The following NRXN3 variants were observed in gnomAD, a reference collection of about 807,000 sequenced individuals.
NRXN3 encodes the protein neurexin III.
NRXN3 carries 32 observed loss-of-function variants against 137.6 expected under a neutral mutation model. That is an observed-to-expected ratio of 0.23 (90% CI 0.18 to 0.31). NRXN3 has a LOEUF of 0.31. Among genes scored for constraint, NRXN3 ranks in the 10% least tolerant of loss-of-function variants. NRXN3 has a pLI of 1.00. For missense variants in NRXN3, 1,574 were observed against 2,062.5 expected (o/e 0.76, Z 4.59); for synonymous variants, 798 against 784.5 (o/e 1.02, Z -0.29).
chr14:79,302,603 T>C (rs905338196), intron 15 of NRXN3, among the ~76,000 whole-genome samples: 15 of 151,894 alleles, frequency 9.9e-5, no homozygotes, highest in Admixed American at 4.6e-4. Context: ...GCAATCCCCA[T>C]GTGCAGAGGG....
At chr14:79,445,364 A>C (rs972886323) in intron 15 of NRXN3, among the ~76,000 whole-genome samples, 9 of 152,116 alleles carry the variant, frequency 5.9e-5, no homozygotes, top group Non-Finnish European at 1.3e-4. Context: ...GAAAGAAAAA[A>C]AGAAAAAAAA....
At chr14:78,651,416 TC>T in intron 6 of NRXN3, 90 bp downstream of exon 6, 1 of 1,386,774 alleles carries the variant, frequency 7.2e-7, no homozygotes, top group Admixed American at 2.1e-5. Flanking sequence ...GGATCTGTCC[TC>T]AAATCTATGA....
At position 78,714,944 on chromosome 14, in the gene NRXN3, G is replaced by GA. The variant is rs2098424712; in HGVS notation, c.1850dup (p.Asp617GlufsTer32). ...GGGCTGCATCCGCGACCTATTCATTGATGGGCGCAGCAAGAACATTCGACA... is the reference window on the plus strand; with the variant it reads ...GGGCTGCATCCGCGACCTATTCATTGAATGGGCGCAGCAAGAACATTCGACA... On this transcript the variant is annotated frameshift_variant, in exon 8 of 21. Transcript: ENST00000335750. LOFTEE classifies it high-confidence loss of function. 1 of 1,614,042 alleles carries GA rather than the reference G, an allele frequency of 6.2e-7. No homozygotes were observed. The highest frequency in any genetic ancestry group is 1.3e-5 in the African/African-American group (1 of 74,920).
At chr14:79,524,996 G>A (rs1313224560) in intron 16 of NRXN3, among the ~76,000 whole-genome samples, 1 of 152,088 alleles carries the variant, frequency 6.6e-6, no homozygotes, top group Non-Finnish European at 1.5e-5. Flanking sequence ...TTTCTGAAAT[G>A]GGGGTCTTAT....
intron 16 of NRXN3, among the ~76,000 whole-genome samples, chr14:79,490,651 A>G: frequency 7.2e-6 from 1 of 138,496 alleles, no homozygotes; most frequent in East Asian, 2.5e-4. Context: ...GAATAGAAGG[A>G]TGGTTACCAG....
At chr14:78,549,665 T>C (rs2096668249) in intron 4 of NRXN3, among the ~76,000 whole-genome samples, 1 of 152,214 alleles carries the variant, frequency 6.6e-6, no homozygotes, top group Non-Finnish European at 1.5e-5. Context: ...TTTGTTACCA[T>C]GGATGTTGGT....
intron 2 of NRXN3, among the ~76,000 whole-genome samples, chr14:78,259,146 A>AG (rs1349791778): frequency 6.6e-6 from 1 of 151,286 alleles, no homozygotes; most frequent in Non-Finnish European, 1.5e-5. Context: ...AAAAAAAAAA[A>AG]GAAAGAAAAA....
At chr14:79,340,549 T>C (rs993227416) in intron 15 of NRXN3, among the ~76,000 whole-genome samples, 3 of 152,184 alleles carry the variant, frequency 2.0e-5, no homozygotes, top group Non-Finnish European at 2.9e-5. Context: ...CACCACAACC[T>C]CCACCTTCCA....
At chr14:79,178,554 T>C (rs896037370) in intron 15 of NRXN3, among the ~76,000 whole-genome samples, 1 of 152,200 alleles carries the variant, frequency 6.6e-6, no homozygotes, top group Non-Finnish European at 1.5e-5. Flanking sequence ...TAGCTATTGT[T>C]ACTAATTTAT....
intron 15 of NRXN3, among the ~76,000 whole-genome samples, chr14:79,384,095 A>G (rs951313129): frequency 6.6e-6 from 1 of 151,990 alleles, no homozygotes. Context: ...ATTGTCAGGC[A>G]CCTCCCCCAC....
At position 78,545,627 on chromosome 14, in the gene NRXN3, G is replaced by T. The variant is rs139674280; in HGVS notation, c.758-99493G>T. On this transcript the variant is annotated intron_variant, in intron 4 of 20. Transcript: ENST00000335750. The stretch of plus-strand genomic sequence containing the variant: ...ATTTTCTTTTTAGAAGAACACTATT[G>T]TGCATCATAGAATAAATACAAAAAA... Among the ~76,000 whole-genome samples, 92 of 152,130 alleles carry T rather than the reference G, an allele frequency of 6.0e-4. 1 individual carries two copies. In the East Asian group the frequency reaches 0.016, roughly 27 times the overall value.
At chr14:79,806,960 A>ATGTTTTTT (rs2099209422) in intron 20 of NRXN3, among the ~76,000 whole-genome samples, 1 of 51,806 alleles carries the variant, frequency 1.9e-5, no homozygotes, top group Non-Finnish European at 3.2e-5. Context: ...ATATATATAT[A>ATGTTTTTT]TATTTTTTTT....
intron 1 of NRXN3, among the ~76,000 whole-genome samples, chr14:78,174,704 G>A (rs1385194692): frequency 6.6e-6 from 1 of 152,128 alleles, no homozygotes; most frequent in Non-Finnish European, 1.5e-5. Flanking sequence ...GACGGGGAAG[G>A]AAGGCAAGAA....
chr14:78,966,133 T>C lies in NRXN3; in HGVS notation c.2504T>C (p.Leu835Pro). ...GTCCCCTCCAGCTTTATTGGCCATC[T>C]GCAGAGCCTCATGTTTAATGGCCTT... Reference protein sequence around the residue: ...SVVPSSFIGHLQSLMFNGLLY... With the variant: ...SVVPSSFIGHPQSLMFNGLLY... Residue 835 changes from leucine (L) to proline (P), a missense_variant, in exon 12 of 21, where the codon CTG (leucine) becomes CCG (proline). Physicochemically the swap from Leu to Pro is moderately conservative, Grantham distance 98. Transcript: ENST00000335750. The C allele has an allele frequency of 6.2e-7, 1 of 1,614,196 alleles. No homozygotes were observed. Among genetic ancestry groups the C allele is most frequent in the Non-Finnish European group, 8.5e-7 (1 of 1,180,020 alleles).
At chr14:79,285,529 G>C (rs1464676982) in intron 15 of NRXN3, among the ~76,000 whole-genome samples, 1 of 152,138 alleles carries the variant, frequency 6.6e-6, no homozygotes, top group African/African-American at 2.4e-5. Context: ...CTGAGACCAA[G>C]GTGTCAGCAG....
At chr14:79,279,211 G>C (rs572973754) in intron 15 of NRXN3, 39 of 325,036 alleles carry the variant, frequency 1.2e-4, no homozygotes, top group African/African-American at 8.0e-4. Context: ...GGGTGTATAC[G>C]AGCCTGTGCT....
chr14:79,103,775 C>G (rs1490349602), intron 15 of NRXN3, among the ~76,000 whole-genome samples: 5 of 152,140 alleles, frequency 3.3e-5, no homozygotes, highest in Non-Finnish European at 5.9e-5. Flanking sequence ...GGTATATTCT[C>G]CTTCTGTATT....
chr14:78,748,061 C>T (rs1230361808), intron 8 of NRXN3, among the ~76,000 whole-genome samples: 5 of 152,134 alleles, frequency 3.3e-5, no homozygotes, highest in African/African-American at 9.7e-5. Context: ...TTATGTATCT[C>T]GTCTTTCCCT....
chr14:79,638,731 G>A (rs1603300891), intron 16 of NRXN3, among the ~76,000 whole-genome samples: 1 of 152,190 alleles, frequency 6.6e-6, no homozygotes, highest in Admixed American at 6.5e-5. Flanking sequence ...AGGTGAGTGG[G>A]AAAGGAACAG....
Sources: allele counts gnomAD v4.1 joint callset (sites outside exome capture counted in the v4.1 genomes callset), GRCh38; gene constraint gnomAD v4.1.1; transcripts MANE v1.5; gene names NCBI Gene and HGNC (gene_info 2026-07-23, HGNC 2026-07-21).